The following PLA2G4C variants were observed in gnomAD, a reference collection of about 807,000 sequenced individuals.
PLA2G4C encodes cytosolic phospholipase A2 gamma.
A neutral mutation model predicts 73.8 loss-of-function variants in PLA2G4C; 64 were observed. The ratio of observed to expected loss-of-function variants is 0.87; its 90% CI spans 0.71 to 1.07. PLA2G4C has a LOEUF of 1.07. Among genes scored for constraint, PLA2G4C ranks in the 50% least tolerant of loss-of-function variants. The pLI, the probability that PLA2G4C is intolerant of heterozygous loss-of-function variation, is 0.00. For missense variants in PLA2G4C, 622 were observed against 665.4 expected, an observed-to-expected ratio of 0.93 and a Z score of 0.72; for synonymous variants, 254 against 252.1, an observed-to-expected ratio of 1.01 and a Z score of -0.07.
At chr19:48,104,561 G>A (rs771232655) in intron 4 of PLA2G4C, 27 bp downstream of exon 4, 1 of 1,610,182 alleles carries the variant, frequency 6.2e-7, no homozygotes, top group South Asian at 1.1e-5. Context: ...GTGTCAGAAA[G>A]CAATCTGAAA....
intron 16 of PLA2G4C, among the ~76,000 whole-genome samples, chr19:48,048,666 A>G (rs768431820): frequency 6.6e-6 from 1 of 152,204 alleles, no homozygotes; most frequent in African/African-American, 2.4e-5. Context: ...TTTGGCCTAC[A>G]TCGAATGTCA....
intron 16 of PLA2G4C, among the ~76,000 whole-genome samples, chr19:48,049,951 C>A (rs1967660971): frequency 6.6e-6 from 1 of 152,170 alleles, no homozygotes; most frequent in Non-Finnish European, 1.5e-5. Flanking sequence ...GAGACGGAAT[C>A]TCCCTCTGTC....
intron 10 of PLA2G4C, among the ~76,000 whole-genome samples, chr19:48,082,856 C>T (rs1448442206): frequency 6.8e-6 from 1 of 147,970 alleles, no homozygotes; most frequent in Non-Finnish European, 1.5e-5. Flanking sequence ...CTCTGTCGCC[C>T]AGGCTGGAGT....
At chr19:48,053,192 G>A (rs369057854) in intron 15 of PLA2G4C, 45 bp from the exon 16 acceptor site, 35 of 1,459,300 alleles carry the variant, frequency 2.4e-5, no homozygotes, top group Non-Finnish European at 3.1e-5. Context: ...CATGAGTTTG[G>A]ACAATTAATT....
intron 16 of PLA2G4C, among the ~76,000 whole-genome samples, chr19:48,049,312 C>T (rs1034366293): frequency 6.6e-6 from 1 of 152,118 alleles, no homozygotes; most frequent in African/African-American, 2.4e-5. Context: ...TCCTCATGGC[C>T]ACCCCTTCTC....
rs10410329 is a variant in PLA2G4C, at chr19:48,083,551, G to A, written c.844+1508C>T. Reference sequence around the variant, plus strand: ...CAACCTCCACCTCCTGGGTTCAAGCGATTCTCCTGCCTCAGCTTCCCGTGT... The same window carrying A: ...CAACCTCCACCTCCTGGGTTCAAGCAATTCTCCTGCCTCAGCTTCCCGTGT... On this transcript the variant is annotated intron_variant, in intron 10 of 16. Transcript: ENST00000599921. Among the ~76,000 whole-genome samples, 999 of 149,834 alleles carry A rather than the reference G, an allele frequency of 6.7e-3. 16 individuals carry two copies. The highest frequency in any genetic ancestry group is 0.023 in the African/African-American group (949 of 40,722).
intron 16 of PLA2G4C, among the ~76,000 whole-genome samples, chr19:48,051,258 G>A (rs911211673): frequency 3.3e-5 from 5 of 152,170 alleles, no homozygotes; most frequent in Non-Finnish European, 7.3e-5. Flanking sequence ...CCCTGCTAAC[G>A]CTTTGGGTTT....
intron 16 of PLA2G4C, 131 bp downstream of exon 16, chr19:48,052,866 A>G: frequency 1.1e-6 from 1 of 917,740 alleles, no homozygotes; most frequent in South Asian, 1.8e-5. Flanking sequence ...CTGAGACGCA[A>G]GCTCAAGTAG....
At chr19:48,071,519 G>A (rs545766033) in intron 12 of PLA2G4C, among the ~76,000 whole-genome samples, 1 of 152,120 alleles carries the variant, frequency 6.6e-6, no homozygotes, top group Non-Finnish European at 1.5e-5. Context: ...CTGGTCTCAA[G>A]CTCCTGACCT....
At chr19:48,066,496 G>A (rs1334107304) in intron 13 of PLA2G4C, among the ~76,000 whole-genome samples, 2 of 152,056 alleles carry the variant, frequency 1.3e-5, no homozygotes, top group African/African-American at 4.8e-5. Flanking sequence ...AAGCACCCCA[G>A]GAGAGGTGAG....
chr19:48,090,669 C>G (rs951501193), intron 7 of PLA2G4C: 5 of 484,116 alleles, frequency 1.0e-5, no homozygotes, highest in South Asian at 7.2e-5. Context: ...TGGAGCCAGC[C>G]GGGCACTGTA....
Position 48,062,131 on chromosome 19 carries a change from AT to A in PLA2G4C, c.1123del (p.Met375Ter), listed in dbSNP as rs762128680. The A allele has an allele frequency of 6.3e-7, 1 of 1,593,744 alleles. No homozygotes were observed. The highest frequency in any genetic ancestry group is 8.6e-7 in the Non-Finnish European group (1 of 1,169,188). On this transcript the variant is annotated frameshift_variant, in exon 14 of 17. Coordinates refer to ENST00000599921, the MANE Select transcript of PLA2G4C (RefSeq NM_003706.3). LOFTEE classifies it high-confidence loss of function. ...CAGGTGGAGGTGCTTCCGGCTGCTCATTATCTTGTCCCGGATGCCACCTGTG... is the reference window on the plus strand; with the variant it reads ...CAGGTGGAGGTGCTTCCGGCTGCTCATATCTTGTCCCGGATGCCACCTGTG... The part of the protein sequence containing the change: ...YKHGGIRDKI[M>X]SSRKHLHLVD...
intron 7 of PLA2G4C, among the ~76,000 whole-genome samples, chr19:48,092,017 A>G (rs945363384): frequency 2.0e-5 from 3 of 152,062 alleles, no homozygotes; most frequent in Admixed American, 1.3e-4. Context: ...GGCAGAATAT[A>G]AAATGGTACA....
intron 10 of PLA2G4C, among the ~76,000 whole-genome samples, chr19:48,082,716 C>G (rs2030671188): frequency 6.6e-6 from 1 of 150,916 alleles, no homozygotes; most frequent in South Asian, 2.1e-4. Context: ...CTGGGCTGGT[C>G]TCGGACTCCT....
intron 14 of PLA2G4C, among the ~76,000 whole-genome samples, chr19:48,057,382 C>T (rs867257483): frequency 1.5e-4 from 22 of 149,494 alleles, no homozygotes; most frequent in Middle Eastern, 7.1e-3. Context: ...TCAAAGGTGG[C>T]TTCTTTATTC....
Position 48,048,383 on chromosome 19 carries a change from T to A in PLA2G4C, c.1586A>T (p.Tyr529Phe), listed in dbSNP as rs200355211. 78 of 1,590,994 alleles carry A rather than the reference T, an allele frequency of 4.9e-5. No homozygotes were observed. Among genetic ancestry groups the A allele is most frequent in the Non-Finnish European group, 4.0e-5 (47 of 1,171,978 alleles). The change falls in exon 17 of 17, where the codon TAC (tyrosine) becomes TTC (phenylalanine). Residue 529 changes from tyrosine (Y) to phenylalanine (F), a missense_variant. Coordinates refer to ENST00000599921, the MANE Select transcript of PLA2G4C (RefSeq NM_003706.3). Reference sequence around the variant, plus strand: ...ACTTCGGGCACTATCCTTCGGGTAGTAGAGCCTGGGGAGAAAGGAAAGTTA... The same window carrying A: ...ACTTCGGGCACTATCCTTCGGGTAGAAGAGCCTGGGGAGAAAGGAAAGTTA... ...LRELMNVAGL[Y>F]YPKDSARSCC...
chr19:48,059,270 CAAAAAA>C (rs10686659), intron 14 of PLA2G4C, among the ~76,000 whole-genome samples: 1 of 139,106 alleles, frequency 7.2e-6, no homozygotes, highest in Non-Finnish European at 1.5e-5. Context: ...GACTCTGTCT[CAAAAAA>C]AAAAAAAAAA....
intron 5 of PLA2G4C, among the ~76,000 whole-genome samples, 196 bp from the exon 6 acceptor site, chr19:48,098,455 AG>A (rs1356296050): frequency 6.6e-6 from 1 of 151,808 alleles, no homozygotes; most frequent in South Asian, 2.1e-4. Flanking sequence ...CCTCCCAAGT[AG>A]CTGGGACTAC....
intron 14 of PLA2G4C, among the ~76,000 whole-genome samples, chr19:48,056,393 C>CA (rs1168861182): frequency 1.3e-5 from 2 of 152,028 alleles, no homozygotes; most frequent in Admixed American, 6.6e-5. Context: ...ACTAAAAATA[C>CA]AAAAATTAGC....
Sources: allele counts gnomAD v4.1 joint callset (sites outside exome capture counted in the v4.1 genomes callset), GRCh38; gene constraint gnomAD v4.1.1; transcripts MANE v1.5; gene names NCBI Gene and HGNC (gene_info 2026-07-23, HGNC 2026-07-21).